The following LUZP2 variants were observed in gnomAD, a reference collection of about 807,000 sequenced individuals.
LUZP2 encodes leucine zipper protein 2.
LUZP2 carries 52 observed loss-of-function variants against 51.6 expected under a neutral mutation model. The ratio of observed to expected loss-of-function variants is 1.01; its 90% CI spans 0.81 to 1.27. The LOEUF (loss-of-function observed/expected upper bound fraction) is 1.27, where lower values mean the gene tolerates loss of function less well. Among genes scored for constraint, LUZP2 ranks in the 50% most tolerant of loss-of-function variants. LUZP2 has a pLI of 0.00. For synonymous variants in LUZP2, 154 were observed against 137.3 expected (o/e 1.12, Z -0.85); for missense variants, 436 against 395.4 (o/e 1.10, Z -0.87).
chr11:24,748,167 T>C (rs1482677759), intron 4 of LUZP2, among the ~76,000 whole-genome samples: 3 of 152,176 alleles, frequency 2.0e-5, no homozygotes, highest in Admixed American at 6.5e-5. Flanking sequence ...AGGTTCTCTG[T>C]GATGCCAGGC....
chr11:24,603,156 T>C (rs1442930099), intron 1 of LUZP2, among the ~76,000 whole-genome samples: 7 of 151,808 alleles, frequency 4.6e-5, no homozygotes, highest in African/African-American at 1.2e-4. Context: ...TAGCTTCTTT[T>C]AGGAAAAAAC....
At chr11:24,587,970 C>A (rs1234560934) in intron 1 of LUZP2, among the ~76,000 whole-genome samples, 2 of 151,982 alleles carry the variant, frequency 1.3e-5, no homozygotes, top group South Asian at 2.1e-4. Flanking sequence ...GAGATGTTCA[C>A]CCCTGACCAC....
chr11:24,799,266 A>G (rs1270111338), intron 5 of LUZP2, among the ~76,000 whole-genome samples: 1 of 152,194 alleles, frequency 6.6e-6, no homozygotes, highest in Non-Finnish European at 1.5e-5. Context: ...ACTGAGTAAC[A>G]CATAGGAGGA....
chr11:24,773,337 G>A (rs531418110), intron 5 of LUZP2, among the ~76,000 whole-genome samples: 234 of 152,098 alleles, frequency 1.5e-3, no homozygotes, highest in African/African-American at 5.4e-3. Context: ...TACTGTTACC[G>A]AGAAGTACAG....
At chr11:24,917,554 G>T (rs972659602) in intron 7 of LUZP2, among the ~76,000 whole-genome samples, 32 of 152,018 alleles carry the variant, frequency 2.1e-4, no homozygotes, top group African/African-American at 7.5e-4. Context: ...TCTACATATG[G>T]CTAGCCAGTT....
At chr11:24,857,428 C>T (rs1469047652) in intron 5 of LUZP2, among the ~76,000 whole-genome samples, 2 of 150,982 alleles carry the variant, frequency 1.3e-5, no homozygotes. Context: ...TTTATATAAA[C>T]AAGTAACATT....
intron 7 of LUZP2, among the ~76,000 whole-genome samples, chr11:24,921,660 A>G (rs1854060740): frequency 6.6e-6 from 1 of 152,184 alleles, no homozygotes; most frequent in Non-Finnish European, 1.5e-5. Context: ...CTCCCTAAAA[A>G]TTATTTCTTA....
At chr11:24,962,085 T>C (rs1855426835) in intron 7 of LUZP2, among the ~76,000 whole-genome samples, 1 of 152,146 alleles carries the variant, frequency 6.6e-6, no homozygotes, top group Admixed American at 6.5e-5. Context: ...CCCCACTCTC[T>C]TCTGGCTTGT....
chr11:24,985,048 A>G (rs913551815), intron 9 of LUZP2, among the ~76,000 whole-genome samples: 1 of 151,888 alleles, frequency 6.6e-6, no homozygotes, highest in African/African-American at 2.4e-5. Flanking sequence ...TCTTCTTCTT[A>G]TAAATTTTCG....
intron 1 of LUZP2, among the ~76,000 whole-genome samples, chr11:24,690,620 A>G (rs1467600454): frequency 6.6e-6 from 1 of 152,088 alleles, no homozygotes; most frequent in African/African-American, 2.4e-5. Flanking sequence ...TTTGTAATAG[A>G]ATTTTGGTGA....
At chr11:24,904,280 A>G (rs934343163) in intron 5 of LUZP2, among the ~76,000 whole-genome samples, 2 of 151,618 alleles carry the variant, frequency 1.3e-5, no homozygotes, top group African/African-American at 4.9e-5. Flanking sequence ...GTTTATTCAG[A>G]TAGTTTGCCA....
intron 5 of LUZP2, among the ~76,000 whole-genome samples, chr11:24,804,822 A>G (rs961207731): frequency 3.9e-5 from 6 of 151,958 alleles, no homozygotes; most frequent in Admixed American, 1.3e-4. Context: ...TCTGAATCTT[A>G]TGAGAAGAAC....
chr11:24,729,226 C>T lies in LUZP2; in HGVS notation c.120C>T (p.Thr40=). The part of the protein sequence containing the change: ...QLKEVFKERS[T]ILRQLTKTSR... ...AAGAAGTCTTTAAGGAGCGAAGCAC[C>T]ATTCTTCGTCAGCTGACAAAGACAT... Residue 40 remains threonine (T), a synonymous_variant, in exon 2 of 12, where the codon ACC becomes ACT. Transcript: ENST00000336930. 1.9e-6 allele frequency: 3 copies of T among 1,577,764 alleles called. No homozygotes were observed. The highest frequency in any genetic ancestry group is 1.7e-6 in the Non-Finnish European group (2 of 1,155,624).
rs536366437 is a variant in LUZP2, at chr11:24,532,125, T to A, written c.62+34820T>A. Reference sequence around the variant, plus strand: ...AATCATTATCAATATTTTGCCACTTTTTTAAATTTTTCCACCATTATTTGT... The same window carrying A: ...AATCATTATCAATATTTTGCCACTTATTTAAATTTTTCCACCATTATTTGT... On this transcript the variant is annotated intron_variant, in intron 1 of 11. Transcript: ENST00000336930. Among the ~76,000 whole-genome samples the A allele has an allele frequency of 1.7e-4, 26 of 151,020 alleles. No individual in the cohort carries two copies. The East Asian group carries it at 5.0e-3, about 29-fold the overall frequency.
intron 5 of LUZP2, chr11:24,892,234 G>T: frequency 1.0e-6 from 1 of 985,500 alleles, no homozygotes; most frequent in Non-Finnish European, 1.2e-6. Flanking sequence ...CCCAGATTCA[G>T]CCTATATTTA....
rs554436212 is a variant in LUZP2, at chr11:24,642,941, G to A, written c.63-86228G>A. On this transcript the variant is annotated intron_variant, in intron 1 of 11. Coordinates refer to ENST00000336930, the MANE Select transcript of LUZP2 (RefSeq NM_001009909.4). ...GCTAAACTGAATTAGCAGGATTGTT[G>A]CCCTGGAAGATAAGACCTAAAGAGA... Among the ~76,000 whole-genome samples the A allele has an allele frequency of 1.1e-4, 16 of 152,152 alleles. 2 individuals are homozygous for A. The highest frequency in any genetic ancestry group is 3.4e-3 in the Middle Eastern group (1 of 294).
chr11:24,751,652 A>C (rs11028139), intron 4 of LUZP2: 1 of 781,262 alleles, frequency 1.3e-6, no homozygotes, highest in Non-Finnish European at 1.6e-6. Flanking sequence ...TCCCCAGGAC[A>C]GCAGCCATCA....
intron 5 of LUZP2, among the ~76,000 whole-genome samples, chr11:24,787,936 T>C (rs1849294027): frequency 1.3e-5 from 2 of 152,052 alleles, no homozygotes; most frequent in Non-Finnish European, 2.9e-5. Context: ...GTCTTATCCT[T>C]TCTTAAAGCA....
intron 1 of LUZP2, among the ~76,000 whole-genome samples, chr11:24,685,074 C>A (rs1856858948): frequency 6.7e-6 from 1 of 149,788 alleles, no homozygotes; most frequent in Non-Finnish European, 1.5e-5. Flanking sequence ...CCATATCTAT[C>A]CAAGTTTTCT....
Sources: allele counts gnomAD v4.1 joint callset (sites outside exome capture counted in the v4.1 genomes callset), GRCh38; gene constraint gnomAD v4.1.1; transcripts MANE v1.5; gene names NCBI Gene and HGNC (gene_info 2026-07-23, HGNC 2026-07-21).